The following PPP2R5E variants were observed in gnomAD, a reference collection of about 807,000 sequenced individuals.
PPP2R5E encodes serine/threonine-protein phosphatase 2A 56 kDa regulatory subunit epsilon isoform.
In PPP2R5E, 4 loss-of-function variants were observed where a neutral mutation model predicts 65.3. The observed-to-expected ratio is 0.06, with a 90% CI of 0.03 to 0.14. The LOEUF is 0.14. Ranked by LOEUF, PPP2R5E falls within the 10% of genes least tolerant of loss-of-function variation. PPP2R5E has a pLI of 1.00. For missense variants in PPP2R5E, 274 were observed against 556.1 expected (o/e 0.49, Z 5.10); for synonymous variants, 183 against 187.4 (o/e 0.98, Z 0.19).
chr14:63,522,961 G>A (rs1388519941), intron 2 of PPP2R5E, among the ~76,000 whole-genome samples: 2 of 147,494 alleles, frequency 1.4e-5, no homozygotes, highest in East Asian at 2.0e-4. Context: ...GGGAGGTGGG[G>A]GGGTCAGCCC....
chr14:63,531,911 C>T (rs1421889859), intron 2 of PPP2R5E, among the ~76,000 whole-genome samples: 2 of 151,734 alleles, frequency 1.3e-5, no homozygotes, highest in African/African-American at 4.8e-5. Context: ...CGAGATGGGG[C>T]CACTGCACTC....
chr14:63,480,369 T>C (rs946842424), intron 2 of PPP2R5E, among the ~76,000 whole-genome samples: 1 of 152,204 alleles, frequency 6.6e-6, no homozygotes, highest in Admixed American at 6.5e-5. Context: ...GGTGGGAGAA[T>C]TGCTTGAATC....
At chr14:63,471,381 C>T (rs1356512706) in intron 2 of PPP2R5E, among the ~76,000 whole-genome samples, 6 of 151,940 alleles carry the variant, frequency 3.9e-5, no homozygotes, top group African/African-American at 1.2e-4. Context: ...AATGAATAAC[C>T]CAAAATAAAC....
chr14:63,391,439 T>C (rs915069260), intron 10 of PPP2R5E, among the ~76,000 whole-genome samples: 2 of 152,140 alleles, frequency 1.3e-5, no homozygotes, highest in African/African-American at 4.8e-5. Flanking sequence ...TGTTTTGTTT[T>C]TGAGACAGAG....
chr14:63,388,112 C>CT (rs779677887), intron 11 of PPP2R5E, among the ~76,000 whole-genome samples: 14,206 of 137,232 alleles, frequency 0.1, 2,294 homozygotes, highest in African/African-American at 0.36. Context: ...TGGTGATGCT[C>CT]TTTTTTTTTT....
chr14:63,404,050 C>A (rs1182154944), intron 5 of PPP2R5E, among the ~76,000 whole-genome samples: 1 of 152,040 alleles, frequency 6.6e-6, no homozygotes, highest in East Asian at 1.9e-4. Flanking sequence ...TATACAGAAA[C>A]AACTGGAAGA....
At chr14:63,484,364 C>T (rs970616637) in intron 2 of PPP2R5E, among the ~76,000 whole-genome samples, 1 of 151,670 alleles carries the variant, frequency 6.6e-6, no homozygotes, top group African/African-American at 2.4e-5. Context: ...CACACACACA[C>T]ACACACACAC....
At chr14:63,454,300 GTTGATTTAT>G (rs149056930) in intron 2 of PPP2R5E, among the ~76,000 whole-genome samples, 1 of 152,314 alleles carries the variant, frequency 6.6e-6, no homozygotes, top group East Asian at 1.9e-4. Context: ...AGAAATGTCA[GTTGATTTAT>G]TTTAATTTCA....
rs531302895 is a variant in PPP2R5E, at chr14:63,483,537, G to A, written c.158-29652C>T. 9.9e-5 allele frequency among the ~76,000 whole-genome samples: 15 copies of A among 152,262 alleles called. No homozygotes were observed. In the South Asian group the frequency reaches 1.2e-3, roughly 13 times the overall value. The stretch of plus-strand genomic sequence containing the variant: ...AGGTGCACGTACACAGCGCATTCAC[G>A]GCAGGCAGCTCCCCATGAACTGGGA... On this transcript the variant is annotated intron_variant, in intron 2 of 13. Transcript: ENST00000337537.
chr14:63,458,669 C>T (rs1455096771), intron 2 of PPP2R5E, among the ~76,000 whole-genome samples: 1 of 152,006 alleles, frequency 6.6e-6, no homozygotes, highest in Non-Finnish European at 1.5e-5. Context: ...TACACATAAA[C>T]TATTGAAATG....
At chr14:63,400,860 G>A (rs548374414) in intron 5 of PPP2R5E, among the ~76,000 whole-genome samples, 12 of 151,658 alleles carry the variant, frequency 7.9e-5, no homozygotes, top group African/African-American at 1.2e-4. Context: ...TTTAAATTTC[G>A]TTTCTACTTT....
intron 2 of PPP2R5E, among the ~76,000 whole-genome samples, chr14:63,529,102 G>T (rs1008167527): frequency 4.6e-5 from 7 of 152,050 alleles, no homozygotes; most frequent in African/African-American, 1.7e-4. Context: ...CCAAGACACA[G>T]GTGCATGCTA....
At chr14:63,458,870 T>C (rs1889298382) in intron 2 of PPP2R5E, among the ~76,000 whole-genome samples, 1 of 152,194 alleles carries the variant, frequency 6.6e-6, no homozygotes, top group Admixed American at 6.5e-5. Flanking sequence ...CAATACTTTT[T>C]ACCTGAAAAT....
intron 5 of PPP2R5E, among the ~76,000 whole-genome samples, chr14:63,400,659 C>T (rs1566675826): frequency 1.0e-5 from 1 of 98,524 alleles, no homozygotes; most frequent in Non-Finnish European, 1.9e-5. Context: ...CACAGGAAAA[C>T]ATTCTATCTA....
rs1260128925 is a variant in PPP2R5E at position 63,540,207 on chromosome 14, G to T, written c.-7-515C>A. ...GCACTTTGGGAGGCCGAGGTGGGTGGATCACTTGAGGTCAGGAGTTCGAGA... is the reference window on the plus strand; with the variant it reads ...GCACTTTGGGAGGCCGAGGTGGGTGTATCACTTGAGGTCAGGAGTTCGAGA... On this transcript the variant is annotated intron_variant, in intron 1 of 13. Transcript: ENST00000337537. Among the ~76,000 whole-genome samples, 9 of 151,984 alleles carry T rather than the reference G, an allele frequency of 5.9e-5. No homozygotes were observed. The East Asian group carries it at 1.7e-3, about 29-fold the overall frequency.
chr14:63,504,836 C>G (rs1892080764), intron 2 of PPP2R5E, among the ~76,000 whole-genome samples: 1 of 152,110 alleles, frequency 6.6e-6, no homozygotes, highest in African/African-American at 2.4e-5. Flanking sequence ...TCTTGGTCAT[C>G]TTTGTCACTC....
intron 2 of PPP2R5E, among the ~76,000 whole-genome samples, chr14:63,464,824 ACCAG>A (rs1446666154): frequency 6.6e-6 from 1 of 152,132 alleles, no homozygotes; most frequent in African/African-American, 2.4e-5. Context: ...GGAGTTCAAA[ACCAG>A]CCTGGCCAAC....
chr14:63,382,403 CTTT>C (rs576740305), intron 12 of PPP2R5E, among the ~76,000 whole-genome samples: 6 of 138,540 alleles, frequency 4.3e-5, no homozygotes, highest in Non-Finnish European at 3.2e-5. Flanking sequence ...CTTCTAATTT[CTTT>C]TTTTTTTTTT....
chr14:63,380,709 A>AT (rs139410196), intron 13 of PPP2R5E, among the ~76,000 whole-genome samples: 1,992 of 152,216 alleles, frequency 0.013, 62 homozygotes, highest in East Asian at 0.12. Context: ...ATGGAATAAC[A>AT]TATCCCATAA....
Sources: allele counts gnomAD v4.1 joint callset (sites outside exome capture counted in the v4.1 genomes callset), GRCh38; gene constraint gnomAD v4.1.1; transcripts MANE v1.5; gene names NCBI Gene and HGNC (gene_info 2026-07-23, HGNC 2026-07-21).